SNAP25: variants seen among roughly 807,000 people sequenced by gnomAD.
The protein encoded by SNAP25 is synaptosomal-associated protein 25.
A neutral mutation model predicts 28.7 loss-of-function variants in SNAP25; 3 were observed. The ratio of observed to expected loss-of-function variants is 0.10; its 90% confidence interval spans 0.05 to 0.27. SNAP25 has a LOEUF of 0.27. Ranked by LOEUF, SNAP25 falls within the 10% of genes least tolerant of loss-of-function variation. The probability of loss-of-function intolerance (pLI) is 1.00; values close to 1 mark genes in which losing one functional copy is unlikely to be tolerated. For missense variants in SNAP25, 117 were observed against 278.7 expected (o/e 0.42, Z 4.13); for synonymous variants, 61 against 88.1 (o/e 0.69, Z 1.72).
intron 1 of SNAP25, among the ~76,000 whole-genome samples, chr20:10,244,779 G>A (rs1356922878): frequency 1.3e-5 from 2 of 148,478 alleles, no homozygotes; most frequent in Non-Finnish European, 3.0e-5. Flanking sequence ...CACCCAGGCT[G>A]GAGTACAATG....
At chr20:10,301,611 G>A (rs1256679603) in intron 7 of SNAP25, among the ~76,000 whole-genome samples, 1 of 151,886 alleles carries the variant, frequency 6.6e-6, no homozygotes, top group Non-Finnish European at 1.5e-5. Flanking sequence ...CACTGTAGGG[G>A]TAAGGAGAGT....
chr20:10,275,548 C>A lies in SNAP25; in HGVS notation c.57C>A (p.Asp19Glu), dbSNP rs765993629. The change falls in exon 2 of 8, where the codon GAC becomes GAA. Residue 19 changes from aspartate to glutamate, a missense_variant. Asp to Glu is a conservative substitution (Grantham distance 45). Around this residue, in one of 3 missense-constraint regions of SNAP25, gnomAD observed 29 missense variants for 53.5 expected, o/e 0.54. Coordinates refer to ENST00000254976, the MANE Select transcript of SNAP25 (RefSeq NM_130811.4). ...NELEEMQRRA[D>E]QLADESLEST... ...TGGAGGAGATGCAGCGAAGGGCTGA[C>A]CAGTTGGCTGATGAGGTAAGGAGTG... 6.2e-7 allele frequency: 1 copy of A among 1,600,368 alleles called. No homozygotes were observed. The highest frequency in any genetic ancestry group is 8.5e-7 in the Non-Finnish European group (1 of 1,172,444).
chr20:10,246,257 G>C (rs1394328373), intron 1 of SNAP25, among the ~76,000 whole-genome samples: 1 of 152,218 alleles, frequency 6.6e-6, no homozygotes, highest in Non-Finnish European at 1.5e-5. Flanking sequence ...GTATGCGTGT[G>C]TGTGTGCACG....
Position 10,306,120 on chromosome 20 carries a change from C to T in SNAP25, c.553-9C>T. ...AACCTGAGTTCTGTTTCTTTTCCCC[C>T]TTTTCTAGGCTGATTCCAACAAAAC... On this transcript the variant is annotated splice_polypyrimidine_tract_variant and intron_variant, in intron 7 of 7. Coordinates refer to ENST00000254976, the MANE Select transcript of SNAP25 (RefSeq NM_130811.4). 3 of 1,613,348 alleles carry T rather than the reference C, an allele frequency of 1.9e-6. No homozygotes were observed. Among genetic ancestry groups the T allele is most frequent in the African/African-American group, 1.3e-5 (1 of 74,930 alleles).
intron 6 of SNAP25, among the ~76,000 whole-genome samples, chr20:10,297,548 A>C (rs2064139399): frequency 6.6e-6 from 1 of 152,242 alleles, no homozygotes; most frequent in South Asian, 2.1e-4. Flanking sequence ...GGAATGGTGA[A>C]GCACTTCTGA....
chr20:10,272,006 CT>C (rs1393131648), intron 1 of SNAP25, among the ~76,000 whole-genome samples: 1 of 152,160 alleles, frequency 6.6e-6, no homozygotes, highest in African/African-American at 2.4e-5. Context: ...GTGAGAGGTG[CT>C]GCTTGGAGAC....
At chr20:10,225,384 G>A (rs145257207) in intron 1 of SNAP25, among the ~76,000 whole-genome samples, 3 of 152,158 alleles carry the variant, frequency 2.0e-5, no homozygotes, top group Non-Finnish European at 4.4e-5. Context: ...CTGACTTACT[G>A]GTAAGAACAA....
At chr20:10,244,457 T>A (rs2122759573) in intron 1 of SNAP25, among the ~76,000 whole-genome samples, 1 of 152,332 alleles carries the variant, frequency 6.6e-6, no homozygotes, top group South Asian at 2.1e-4. Flanking sequence ...AGGTAGGAAC[T>A]ATTATCACTG....
At chr20:10,305,218 TC>T (rs2064326576) in intron 7 of SNAP25, among the ~76,000 whole-genome samples, 1 of 152,090 alleles carries the variant, frequency 6.6e-6, no homozygotes, top group South Asian at 2.1e-4. Context: ...TTGTTGCAAA[TC>T]TCCAAAGCAT....
intron 1 of SNAP25, among the ~76,000 whole-genome samples, chr20:10,263,083 G>T (rs571666702): frequency 1.5e-5 from 2 of 135,844 alleles, no homozygotes; most frequent in South Asian, 2.4e-4. Context: ...CAGTGGCGCA[G>T]TCTCAGCTCA....
intron 1 of SNAP25, among the ~76,000 whole-genome samples, chr20:10,223,939 G>T (rs2062681793): frequency 1.3e-5 from 2 of 152,174 alleles, no homozygotes; most frequent in African/African-American, 4.8e-5. Flanking sequence ...GATTTAGAAT[G>T]ACAGAGATAC....
intron 5 of SNAP25, among the ~76,000 whole-genome samples, chr20:10,295,610 G>A (rs2064092434): frequency 6.6e-6 from 1 of 152,076 alleles, no homozygotes; most frequent in South Asian, 2.1e-4. Flanking sequence ...CAGTCTGCAA[G>A]TATTAGAGCC....
intron 3 of SNAP25, among the ~76,000 whole-genome samples, chr20:10,280,833 G>A (rs1446802288): frequency 6.6e-6 from 1 of 152,140 alleles, no homozygotes; most frequent in Admixed American, 6.6e-5. Context: ...AGACTTTCAA[G>A]ACACTTTGGC....
chr20:10,231,725 C>T (rs985180193), intron 1 of SNAP25: 1 of 152,190 alleles, frequency 6.6e-6, no homozygotes, highest in Non-Finnish European at 1.5e-5. Flanking sequence ...GTTTCACAAT[C>T]TGAAACTTTT....
chr20:10,231,390 G>A (rs953256421), intron 1 of SNAP25: 2 of 152,212 alleles, frequency 1.3e-5, no homozygotes, highest in Non-Finnish European at 2.9e-5. Flanking sequence ...CAGGCCCAGA[G>A]ATAAATTTCA....
chr20:10,225,343 T>C (rs1188341599), intron 1 of SNAP25, among the ~76,000 whole-genome samples: 1 of 152,174 alleles, frequency 6.6e-6, no homozygotes, highest in Non-Finnish European at 1.5e-5. Flanking sequence ...ATTTTCTTAT[T>C]GTTGACTACA....
At chr20:10,271,373 C>T (rs1016888668) in intron 1 of SNAP25, among the ~76,000 whole-genome samples, 8 of 152,216 alleles carry the variant, frequency 5.3e-5, no homozygotes, top group Non-Finnish European at 1.5e-5. Context: ...AGCGCCCACT[C>T]TCCAGCCGTT....
intron 1 of SNAP25, among the ~76,000 whole-genome samples, chr20:10,252,497 G>A (rs552104817): frequency 8.2e-4 from 125 of 152,034 alleles, no homozygotes; most frequent in African/African-American, 2.8e-3. Context: ...TCTAATCAAG[G>A]GTAAATAACA....
intron 7 of SNAP25, among the ~76,000 whole-genome samples, chr20:10,300,307 A>G (rs1339761356): frequency 6.6e-6 from 1 of 152,206 alleles, no homozygotes; most frequent in Non-Finnish European, 1.5e-5. Flanking sequence ...GACATAATTT[A>G]TATTTCCATG....
Sources: allele counts gnomAD v4.1 joint callset (sites outside exome capture counted in the v4.1 genomes callset), GRCh38; gene constraint gnomAD v4.1.1; regional missense constraint gnomAD v4.1.1; transcripts MANE v1.5; gene names NCBI Gene and HGNC (gene_info 2026-07-23, HGNC 2026-07-21).